The following SIPA1L1 variants were observed in gnomAD, a reference collection of about 807,000 sequenced individuals.
The protein encoded by SIPA1L1 is signal-induced proliferation-associated 1-like protein 1.
A neutral mutation model predicts 162.7 loss-of-function variants in SIPA1L1; 26 were observed. That is an observed-to-expected ratio of 0.16 (90% CI 0.12 to 0.22). SIPA1L1 has a LOEUF of 0.22. Ranked by LOEUF, SIPA1L1 falls within the 10% of genes least tolerant of loss-of-function variation. The pLI, the probability that SIPA1L1 is intolerant of heterozygous loss-of-function variation, is 1.00. For missense variants in SIPA1L1, 1,874 were observed against 2,241.0 expected, an observed-to-expected ratio of 0.84 and a Z score of 3.31; for synonymous variants, 829 against 837.4, an observed-to-expected ratio of 0.99 and a Z score of 0.17.
At chr14:71,407,478 C>T (rs550563469) in intron 2 of SIPA1L1, among the ~76,000 whole-genome samples, 1 of 109,102 alleles carries the variant, frequency 9.2e-6, no homozygotes, top group South Asian at 3.8e-4. Context: ...TCCCTCCATT[C>T]CCTTCCCTCC....
intron 2 of SIPA1L1, among the ~76,000 whole-genome samples, chr14:71,442,172 C>CAA (rs368432068): frequency 0.029 from 747 of 26,016 alleles, 88 homozygotes; most frequent in African/African-American, 0.077. Context: ...GACTCTGTCT[C>CAA]AAAAAAAAAA....
intron 5 of SIPA1L1, among the ~76,000 whole-genome samples, chr14:71,603,953 A>T (rs1050597123): frequency 6.9e-6 from 1 of 145,122 alleles, no homozygotes; most frequent in African/African-American, 2.5e-5. Context: ...ATATATATTT[A>T]TATATATTTA....
At position 71,739,181 on chromosome 14, in the gene SIPA1L1, G is replaced by T; in HGVS notation, c.*20G>T. On this transcript the variant is annotated 3_prime_UTR_variant, in exon 24 of 24. Transcript: ENST00000381232. ...AGCTAGGGAAGGCTGAGGAGGACAGGAGAAGGGCCCAGACACTCCCTCCAG... is the reference window on the plus strand; with the variant it reads ...AGCTAGGGAAGGCTGAGGAGGACAGTAGAAGGGCCCAGACACTCCCTCCAG... The T allele has an allele frequency of 6.2e-7, 1 of 1,605,532 alleles. No homozygotes were observed. Among genetic ancestry groups the T allele is most frequent in the South Asian group, 1.1e-5 (1 of 89,862 alleles).
intron 2 of SIPA1L1, among the ~76,000 whole-genome samples, chr14:71,337,457 C>T (rs1467695311): frequency 1.3e-5 from 2 of 152,096 alleles, no homozygotes; most frequent in Non-Finnish European, 2.9e-5. Flanking sequence ...GGGGAAGCCT[C>T]ACAATCATGG....
intron 7 of SIPA1L1, among the ~76,000 whole-genome samples, chr14:71,638,166 A>G (rs936210056): frequency 2.6e-5 from 4 of 152,244 alleles, no homozygotes; most frequent in African/African-American, 9.6e-5. Flanking sequence ...AATTGCTTCC[A>G]GAAAATACAA....
In SIPA1L1 at chr14:71,700,994, C is replaced by CAAAAAAAAAAAAAAAAAA. The variant is rs539293669; in HGVS notation, c.3522-1364_3522-1347dup. Among the ~76,000 whole-genome samples the CAAAAAAAAAAAAAAAAAA allele has an allele frequency of 1.4e-4, 7 of 51,736 alleles. 1 individual carries two copies. Among genetic ancestry groups the CAAAAAAAAAAAAAAAAAA allele is most frequent in the Non-Finnish European group, 2.0e-4 (6 of 29,728 alleles). The allele number at this position is 51,736 out of a possible 152,430, so 33.9% of individuals were successfully genotyped here. ...TAGGGGACAGAGCAAGACTCCGTCT[C>CAAAAAAAAAAAAAAAAAA]AAAAAAAAAAAAAAAAAAAAAAAAA... On this transcript the variant is annotated intron_variant, in intron 14 of 23. Transcript: ENST00000381232.
intron 13 of SIPA1L1, among the ~76,000 whole-genome samples, chr14:71,686,587 A>G (rs1360128454): frequency 2.6e-5 from 4 of 151,820 alleles, no homozygotes; most frequent in African/African-American, 9.7e-5. Flanking sequence ...TCTGTCATCC[A>G]GGCTGGAGTG....
At chr14:71,735,502 C>G (rs1350772074) in intron 22 of SIPA1L1, 111 bp downstream of exon 22, 2 of 697,410 alleles carry the variant, frequency 2.9e-6, no homozygotes, top group Non-Finnish European at 5.0e-6. Flanking sequence ...TGAAGCTGAT[C>G]ACTGCAGGGC....
intron 5 of SIPA1L1, among the ~76,000 whole-genome samples, chr14:71,590,900 G>A (rs1411170366): frequency 6.6e-6 from 1 of 152,024 alleles, no homozygotes; most frequent in African/African-American, 2.4e-5. Context: ...CACTATTAAT[G>A]CCAGTAGGTT....
At chr14:71,367,585 G>A (rs1332986350) in intron 2 of SIPA1L1, among the ~76,000 whole-genome samples, 1 of 150,760 alleles carries the variant, frequency 6.6e-6, no homozygotes, top group Non-Finnish European at 1.5e-5. Flanking sequence ...TGGGATTACA[G>A]GTGTGAGCCA....
chr14:71,702,285 C>G (rs201552918), intron 14 of SIPA1L1, 96 bp from the exon 15 acceptor site: 1 of 1,322,600 alleles, frequency 7.6e-7, no homozygotes, highest in Non-Finnish European at 1.1e-6. Context: ...ACCAGTAGTG[C>G]CTGTCATTAA....
chr14:71,492,224 A>C (rs917416900), intron 2 of SIPA1L1, among the ~76,000 whole-genome samples: 2 of 152,152 alleles, frequency 1.3e-5, no homozygotes, highest in Non-Finnish European at 2.9e-5. Context: ...AGGAAGGAGC[A>C]AGTGTGGATT....
chr14:71,694,008 G>A (rs1388775159), intron 13 of SIPA1L1, among the ~76,000 whole-genome samples: 1 of 152,110 alleles, frequency 6.6e-6, no homozygotes, highest in Non-Finnish European at 1.5e-5. Flanking sequence ...AAATAGAATA[G>A]AGATTTAATT....
intron 4 of SIPA1L1, chr14:71,573,722 C>T (rs1596209518): frequency 2.2e-6 from 1 of 456,594 alleles, no homozygotes; most frequent in Non-Finnish European, 4.4e-6. Context: ...GTTTTTTTCT[C>T]CCCCTAAAAT....
rs760149059 is a variant in SIPA1L1 at position 71,699,071 on chromosome 14, A to C, written c.3465A>C (p.Ser1155=). The part of the protein sequence containing the change: ...QCRNSPSNLS[S]SSDTGSVGGT... ...GGAACTCTCCTAGCAACTTGTCTTC[A>C]TCCAGTGATACTGGTTCTGTGGGGG... is the stretch of plus-strand genomic sequence containing the variant. Residue 1155 remains serine, a synonymous_variant, in exon 14 of 24, where the codon TCA becomes TCC. Coordinates refer to ENST00000381232, the MANE Select transcript of SIPA1L1 (RefSeq NM_001386936.1). 10 of 1,614,078 alleles carry C rather than the reference A, an allele frequency of 6.2e-6. No individual in the cohort carries two copies. Among genetic ancestry groups the C allele is most frequent in the African/African-American group, 1.3e-5 (1 of 74,934 alleles).
At chr14:71,488,449 A>G in intron 2 of SIPA1L1, among the ~76,000 whole-genome samples, 1 of 152,206 alleles carries the variant, frequency 6.6e-6, no homozygotes. Flanking sequence ...CAACTAGTAC[A>G]GTATGCTAGT....
At chr14:71,537,785 G>T (rs577026446) in intron 4 of SIPA1L1, among the ~76,000 whole-genome samples, 2 of 151,852 alleles carry the variant, frequency 1.3e-5, no homozygotes, top group Admixed American at 6.6e-5. Flanking sequence ...AAAGAATGAA[G>T]TTGTGGGCCA....
chr14:71,701,326 T>C (rs1259021764), intron 14 of SIPA1L1, among the ~76,000 whole-genome samples: 3 of 151,346 alleles, frequency 2.0e-5, no homozygotes, highest in African/African-American at 7.3e-5. Context: ...TCTCAAGCCA[T>C]CCTCCCACCT....
chr14:71,637,868 C>G (rs1158125256), intron 7 of SIPA1L1, among the ~76,000 whole-genome samples: 1 of 152,152 alleles, frequency 6.6e-6, no homozygotes, highest in East Asian at 1.9e-4. Context: ...GGGTACTACT[C>G]TATCAGGAAT....
Sources: gnomAD v4.1 joint callset for allele counts (sites outside exome capture counted in the v4.1 genomes callset) on GRCh38, gnomAD v4.1.1 for gene constraint, MANE v1.5 for transcripts, NCBI Gene and HGNC (gene_info 2026-07-23, HGNC 2026-07-21) for gene names.